The following TRAPPC9 variants were observed in gnomAD, a reference collection of about 807,000 sequenced individuals.
TRAPPC9 encodes the protein trafficking protein particle complex subunit 9.
A neutral mutation model predicts 124.0 loss-of-function variants in TRAPPC9; 83 were observed. The ratio of observed to expected loss-of-function variants is 0.67; its 90% CI spans 0.56 to 0.80. The LOEUF (loss-of-function observed/expected upper bound fraction) is 0.80, where lower values mean the gene tolerates loss of function less well. Ranked by LOEUF, TRAPPC9 falls within the 30% of genes least tolerant of loss-of-function variation. The pLI is 0.00. For synonymous variants in TRAPPC9, 638 were observed against 617.5 expected (o/e 1.03, Z -0.49); for missense variants, 1,302 against 1,508.3 (o/e 0.86, Z 2.27).
intron 9 of TRAPPC9, among the ~76,000 whole-genome samples, chr8:140,322,069 A>G (rs2066610296): frequency 6.6e-6 from 1 of 152,204 alleles, no homozygotes; most frequent in African/African-American, 2.4e-5. Flanking sequence ...GCAAGGCAGT[A>G]CCCTGTGGAA....
At chr8:140,145,621 A>T (rs1009739411) in intron 17 of TRAPPC9, among the ~76,000 whole-genome samples, 15 of 151,794 alleles carry the variant, frequency 9.9e-5, no homozygotes, top group African/African-American at 3.4e-4. Context: ...TCTGAGATAA[A>T]CTCTACTTGT....
At chr8:140,415,541 G>C (rs939604633) in intron 5 of TRAPPC9, among the ~76,000 whole-genome samples, 1 of 151,690 alleles carries the variant, frequency 6.6e-6, no homozygotes, top group Non-Finnish European at 1.5e-5. Context: ...GGGTGACAGA[G>C]TGAGTCTCTG....
chr8:139,788,783 C>CA lies in TRAPPC9; in HGVS notation c.3056-56582dup, dbSNP rs149050539. 1.1e-3 allele frequency among the ~76,000 whole-genome samples: 164 copies of CA among 152,322 alleles called. No homozygotes were observed. Among genetic ancestry groups the CA allele is most frequent in the Non-Finnish European group, 2.0e-3 (135 of 68,032 alleles). On this transcript the variant is annotated intron_variant, in intron 21 of 22. Coordinates refer to ENST00000438773, the MANE Select transcript of TRAPPC9 (RefSeq NM_001160372.4). This position sits in a 1 kb window ranked among gnomAD's most constrained non-coding sequence, Gnocchi z 4.9. ...CACAAAGTCAACTCACTGTGACCCA[C>CA]AAATCACACAACACCCTGGGCCAGC...
At chr8:139,808,442 C>T (rs1047206268) in intron 21 of TRAPPC9, among the ~76,000 whole-genome samples, 28 of 152,338 alleles carry the variant, frequency 1.8e-4, no homozygotes, top group African/African-American at 6.7e-4. Context: ...GCCTGAGCGA[C>T]AGCGCAAGAC....
In TRAPPC9 at chr8:140,153,622, G is replaced by A. The variant is rs532670118; in HGVS notation, c.2556+67837C>T. 8.7e-4 allele frequency among the ~76,000 whole-genome samples: 132 copies of A among 152,136 alleles called. 1 individual carries two copies. The highest frequency in any genetic ancestry group is 3.5e-4 in the Non-Finnish European group (24 of 68,004). On this transcript the variant is annotated intron_variant, in intron 17 of 22. Transcript: ENST00000438773. ...TCACAGCATTTAACACAGCACCTGC[G>A]TATAGTATATTACATATGGCATTGT...
chr8:140,355,105 G>C (rs1193793906), intron 9 of TRAPPC9, among the ~76,000 whole-genome samples: 1 of 152,082 alleles, frequency 6.6e-6, no homozygotes, highest in Non-Finnish European at 1.5e-5. Context: ...GCATTTCATG[G>C]ATAAACAAAT....
At chr8:140,077,335 T>C (rs905654604) in intron 17 of TRAPPC9, among the ~76,000 whole-genome samples, 1 of 152,130 alleles carries the variant, frequency 6.6e-6, no homozygotes, top group African/African-American at 2.4e-5. Context: ...AATGAATAAA[T>C]GGGTGAATGA....
At chr8:140,010,944 A>G (rs1399102278) in intron 18 of TRAPPC9, among the ~76,000 whole-genome samples, 1 of 152,212 alleles carries the variant, frequency 6.6e-6, no homozygotes, top group African/African-American at 2.4e-5. Context: ...CATGATCTGT[A>G]AACAAATGAG....
At chr8:139,956,746 C>T (rs899413224) in intron 19 of TRAPPC9, among the ~76,000 whole-genome samples, 3 of 152,166 alleles carry the variant, frequency 2.0e-5, no homozygotes, top group African/African-American at 4.8e-5. Flanking sequence ...CGCGTAGACT[C>T]GTTGTGCCAC....
chr8:140,415,534 T>C (rs1382742804), intron 5 of TRAPPC9, among the ~76,000 whole-genome samples: 1 of 150,048 alleles, frequency 6.7e-6, no homozygotes, highest in Non-Finnish European at 1.5e-5. Context: ...CCAGCCTGGG[T>C]GACAGAGTGA....
intron 19 of TRAPPC9, among the ~76,000 whole-genome samples, chr8:139,979,668 G>C (rs1836750202): frequency 6.6e-6 from 1 of 152,118 alleles, no homozygotes; most frequent in African/African-American, 2.4e-5. Flanking sequence ...GAGAATCTGA[G>C]GTGGAAAACA....
intron 5 of TRAPPC9, among the ~76,000 whole-genome samples, chr8:140,413,791 G>T (rs559932260): frequency 2.6e-5 from 4 of 151,342 alleles, no homozygotes; most frequent in African/African-American, 9.7e-5. Flanking sequence ...ATAGTTTACT[G>T]AGAATGATGA....
At chr8:139,774,684 C>A (rs547437529) in intron 21 of TRAPPC9, among the ~76,000 whole-genome samples, 5 of 152,298 alleles carry the variant, frequency 3.3e-5, no homozygotes, top group African/African-American at 7.2e-5. Flanking sequence ...CCCGGAGGAA[C>A]GAGGGCTTCT....
At chr8:139,821,472 G>A (rs577450106) in intron 21 of TRAPPC9, among the ~76,000 whole-genome samples, 23 of 152,162 alleles carry the variant, frequency 1.5e-4, no homozygotes, top group Non-Finnish European at 3.1e-4. Context: ...GCAGGACCCC[G>A]CTTCTGTAAA....
chr8:139,967,956 T>C (rs1477364509), intron 19 of TRAPPC9, among the ~76,000 whole-genome samples: 1 of 151,820 alleles, frequency 6.6e-6, no homozygotes, highest in Non-Finnish European at 1.5e-5. Flanking sequence ...CTGGCGAACA[T>C]GGTGAAACCC....
At chr8:139,837,674 G>A (rs968251432) in intron 21 of TRAPPC9, among the ~76,000 whole-genome samples, 1 of 152,130 alleles carries the variant, frequency 6.6e-6, no homozygotes, top group Non-Finnish European at 1.5e-5. Context: ...CTCTGTCCAC[G>A]CACATCTTTG....
intron 5 of TRAPPC9, among the ~76,000 whole-genome samples, chr8:140,412,393 C>T (rs775061700): frequency 6.6e-6 from 1 of 152,210 alleles, no homozygotes; most frequent in Non-Finnish European, 1.5e-5. Context: ...GTGTGTGATC[C>T]TGGACTGGAT....
At chr8:140,061,651 C>T (rs1842625902) in intron 17 of TRAPPC9, among the ~76,000 whole-genome samples, 1 of 152,238 alleles carries the variant, frequency 6.6e-6, no homozygotes, top group Non-Finnish European at 1.5e-5. Context: ...GAGGTGTAGA[C>T]AGGCGAATGA....
chr8:139,874,250 T>C (rs912369192), intron 21 of TRAPPC9, among the ~76,000 whole-genome samples: 3 of 152,220 alleles, frequency 2.0e-5, no homozygotes, highest in African/African-American at 4.8e-5. Context: ...ATTTAAATCA[T>C]GTGGAAGAAT....
Sources: allele counts gnomAD v4.1 joint callset (sites outside exome capture counted in the v4.1 genomes callset), GRCh38; gene constraint gnomAD v4.1.1; non-coding constraint Gnocchi (gnomAD v3.1); transcripts MANE v1.5; gene names NCBI Gene and HGNC (gene_info 2026-07-23, HGNC 2026-07-21).